RNF216: variants seen among roughly 807,000 people sequenced by gnomAD.
RNF216 encodes the protein ring finger protein 216.
Under a neutral mutation model 110.8 loss-of-function variants are expected in RNF216, and 72 were observed. The observed-to-expected ratio is 0.65, with a 90% confidence interval of 0.54 to 0.79. The LOEUF (loss-of-function observed/expected upper bound fraction) is 0.79, where lower values mean the gene tolerates loss of function less well. RNF216 is among the 30% of genes least tolerant of loss of function. The pLI, the probability that RNF216 is intolerant of heterozygous loss-of-function variation, is 0.00. For synonymous variants in RNF216, 495 were observed against 407.5 expected (o/e 1.21, Z -2.59); for missense variants, 1,342 against 1,141.2 (o/e 1.18, Z -2.54).
chr7:5,667,222 T>A (rs971029214), intron 13 of RNF216, among the ~76,000 whole-genome samples: 20 of 152,232 alleles, frequency 1.3e-4, no homozygotes, highest in African/African-American at 4.8e-4. Context: ...ATTCCATGTG[T>A]CAAGTATTTG....
At position 5,741,063 on chromosome 7, in the gene RNF216, T is replaced by C; in HGVS notation, c.954A>G (p.Gln318=). The C allele has an allele frequency of 8.1e-6, 13 of 1,614,172 alleles. No homozygotes were observed. Among genetic ancestry groups the C allele is most frequent in the Non-Finnish European group, 1.1e-5 (13 of 1,180,038 alleles). ...TTTCCAAATTGGGCTCTTGAGATTCTTGCATTGGAAAGGCTGGACCTGGCT... is the reference window on the plus strand; with the variant it reads ...TTTCCAAATTGGGCTCTTGAGATTCCTGCATTGGAAAGGCTGGACCTGGCT... ...DEEPGPAFPM[Q]ESQEPNLENI... is the part of the protein sequence containing the mutation. Residue 318 remains glutamine (Q), a synonymous_variant, in exon 4 of 17, where the codon CAA becomes CAG. Coordinates refer to ENST00000389902, the MANE Select transcript of RNF216 (RefSeq NM_207111.4).
intron 13 of RNF216, among the ~76,000 whole-genome samples, chr7:5,709,481 C>G (rs564441835): frequency 3.3e-5 from 5 of 152,198 alleles, no homozygotes; most frequent in Non-Finnish European, 7.4e-5. Flanking sequence ...CTGGAGCTTT[C>G]TCTTCTGTCA....
chr7:5,748,159 C>CTTACAAACA (rs1795137670), intron 3 of RNF216, among the ~76,000 whole-genome samples: 1 of 152,170 alleles, frequency 6.6e-6, no homozygotes, highest in Admixed American at 6.6e-5. Context: ...GAGGACTGGC[C>CTTACAAACA]TTACAAACAT....
chr7:5,672,075 T>C (rs1789956498), intron 13 of RNF216, among the ~76,000 whole-genome samples: 1 of 152,246 alleles, frequency 6.6e-6, no homozygotes, highest in Admixed American at 6.5e-5. Flanking sequence ...AAGGAGTAGA[T>C]GGCAGTGGAT....
At chr7:5,646,211 T>A (rs1788038970) in intron 14 of RNF216, among the ~76,000 whole-genome samples, 1 of 152,108 alleles carries the variant, frequency 6.6e-6, no homozygotes, top group Non-Finnish European at 1.5e-5. Context: ...TAAAAATTAT[T>A]TTTGTAAATT....
intron 1 of RNF216, among the ~76,000 whole-genome samples, chr7:5,778,764 G>C (rs1007058512): frequency 6.6e-6 from 1 of 152,158 alleles, no homozygotes; most frequent in Admixed American, 6.6e-5. Flanking sequence ...TTATTTTTGA[G>C]ACGGAGTCTC....
At chr7:5,660,952 T>C (rs539871431) in intron 13 of RNF216, among the ~76,000 whole-genome samples, 3 of 144,164 alleles carry the variant, frequency 2.1e-5, no homozygotes, top group Non-Finnish European at 4.5e-5. Context: ...GGTTTTTTTT[T>C]TTTTTTTTTT....
chr7:5,660,265 C>CTTTTT lies in RNF216; in HGVS notation c.2062-7760_2062-7756dup, dbSNP rs66617363. Reference sequence around the variant, plus strand: ...ACAGAGCCCGGCCCTGTTTTAAATTCTTTTTTTTTTTTTTTTTTTTTTTTT... The same window carrying CTTTTT: ...ACAGAGCCCGGCCCTGTTTTAAATTCTTTTTTTTTTTTTTTTTTTTTTTTTTTTTT... On this transcript the variant is annotated intron_variant, in intron 13 of 16. Transcript: ENST00000389902. 2.7e-4 allele frequency among the ~76,000 whole-genome samples: 9 copies of CTTTTT among 33,648 alleles called. 1 individual carries two copies. Among genetic ancestry groups the CTTTTT allele is most frequent in the Admixed American group, 3.9e-4 (1 of 2,540 alleles). 22.1% of individuals were successfully genotyped at this position (33,648 alleles called of 152,430 possible).
At chr7:5,736,646 C>G (rs1210384097) in intron 5 of RNF216, among the ~76,000 whole-genome samples, 1 of 151,758 alleles carries the variant, frequency 6.6e-6, no homozygotes, top group Non-Finnish European at 1.5e-5. Context: ...AGCGCCTCTT[C>G]CCGGCCACCA....
At chr7:5,734,139 A>C (rs964737378) in intron 5 of RNF216, among the ~76,000 whole-genome samples, 3 of 152,212 alleles carry the variant, frequency 2.0e-5, no homozygotes, top group Non-Finnish European at 2.9e-5. Context: ...GGTGTGGGGC[A>C]AGTAGAGTTC....
At chr7:5,764,169 G>A (rs1262322678) in intron 1 of RNF216, among the ~76,000 whole-genome samples, 1 of 151,114 alleles carries the variant, frequency 6.6e-6, no homozygotes, top group Non-Finnish European at 1.5e-5. Flanking sequence ...CTCCAGGTTG[G>A]GAGACAAGAG....
At chr7:5,693,313 T>G (rs1791445026) in intron 13 of RNF216, among the ~76,000 whole-genome samples, 1 of 152,178 alleles carries the variant, frequency 6.6e-6, no homozygotes. Context: ...ACCTTGCCTT[T>G]TACAGAAAAA....
intron 13 of RNF216, among the ~76,000 whole-genome samples, chr7:5,654,786 C>T (rs1299887798): frequency 6.6e-6 from 1 of 151,392 alleles, no homozygotes; most frequent in Non-Finnish European, 1.5e-5. Flanking sequence ...GCACTGCTTC[C>T]GAGGGATGCG....
In RNF216 at chr7:5,721,175, A is replaced by G. The variant is rs761456094; in HGVS notation, c.1505-3T>C. On this transcript the variant is annotated splice_region_variant and splice_polypyrimidine_tract_variant and intron_variant, in intron 8 of 16. Coordinates refer to ENST00000389902, the MANE Select transcript of RNF216 (RefSeq NM_207111.4). The stretch of plus-strand genomic sequence containing the variant: ...CCTCTTTTCTATTTTTATGTCACCT[A>G]GAAGATATACGACAATGCAAAAGCA... 6.2e-7 allele frequency: 1 copy of G among 1,613,742 alleles called. No homozygotes were observed.
chr7:5,635,784 C>G (rs897939541), intron 15 of RNF216, among the ~76,000 whole-genome samples: 2 of 152,236 alleles, frequency 1.3e-5, no homozygotes, highest in Non-Finnish European at 2.9e-5. Context: ...TGCTACAGAA[C>G]TGAATGTATT....
chr7:5,726,507 C>T (rs1262338762), intron 7 of RNF216, among the ~76,000 whole-genome samples: 3 of 152,140 alleles, frequency 2.0e-5, no homozygotes, highest in Non-Finnish European at 1.5e-5. Context: ...GTGAGGATCC[C>T]TTTTCTTTCC....
At position 5,680,173 on chromosome 7, in the gene RNF216, G is replaced by A. The variant is rs911235182; in HGVS notation, c.2062-27663C>T. 2.4e-4 allele frequency among the ~76,000 whole-genome samples: 37 copies of A among 152,212 alleles called. No homozygotes were observed. Among genetic ancestry groups the A allele is most frequent in the African/African-American group, 7.5e-4 (31 of 41,534 alleles). On this transcript the variant is annotated intron_variant, in intron 13 of 16. Coordinates refer to ENST00000389902, the MANE Select transcript of RNF216 (RefSeq NM_207111.4). The surrounding 1 kb of genome is among the most constrained non-coding windows in gnomAD (Gnocchi z 4.3). ...GAAGCTTCCAGCCTCCTCAGAGCTC[G>A]CCCTGGAAACACACGCTCCCCTCTA...
intron 13 of RNF216, among the ~76,000 whole-genome samples, chr7:5,681,022 T>C (rs1363771221): frequency 6.6e-6 from 1 of 151,976 alleles, no homozygotes. Context: ...TGCTGCTGCC[T>C]CCAGCCATAC....
chr7:5,752,846 T>C lies in RNF216; in HGVS notation c.201A>G (p.Glu67=), dbSNP rs751253895. The stretch of plus-strand genomic sequence containing the variant: ...CATTGTAAGTTTAAAGAAAACTCAC[T>C]TCTGTCAGGATGACATCATCATCCA... ...EDLDDDVILT[E]TNKPQRSRPN... Residue 67 remains glutamate, a splice_region_variant and synonymous_variant, in exon 3 of 17, where the codon GAA becomes GAG. Coordinates refer to ENST00000389902, the MANE Select transcript of RNF216 (RefSeq NM_207111.4). 5 of 1,610,314 alleles carry C rather than the reference T, an allele frequency of 3.1e-6. No individual in the cohort carries two copies. The East Asian group carries it at 8.9e-5, about 29-fold the overall frequency.
Sources: allele counts gnomAD v4.1 joint callset (sites outside exome capture counted in the v4.1 genomes callset), GRCh38; gene constraint gnomAD v4.1.1; non-coding constraint Gnocchi (gnomAD v3.1); transcripts MANE v1.5; gene names NCBI Gene and HGNC (gene_info 2026-07-23, HGNC 2026-07-21).